Variants in UBE3D observed in about 807,000 individuals in gnomAD.
UBE3D encodes the protein ubiquitin protein ligase E3D.
UBE3D carries 48 observed loss-of-function variants against 49.6 expected under a neutral mutation model. The ratio of observed to expected loss-of-function variants is 0.97; its 90% confidence interval spans 0.77 to 1.23. The LOEUF is 1.23. UBE3D is among the 50% of genes most tolerant of loss of function. The probability of loss-of-function intolerance (pLI) is 0.00; values close to 1 mark genes in which losing one functional copy is unlikely to be tolerated. For synonymous variants in UBE3D, 189 were observed against 174.2 expected (o/e 1.08, Z -0.67); for missense variants, 452 against 468.4 (o/e 0.96, Z 0.32).
At chr6:82,895,827 C>T (rs1177098936) in intron 9 of UBE3D, among the ~76,000 whole-genome samples, 1 of 152,176 alleles carries the variant, frequency 6.6e-6, no homozygotes, top group Non-Finnish European at 1.5e-5. Context: ...CAGAAAACTA[C>T]AGAGGCTTAG....
At chr6:82,967,215 T>C (rs1367672802) in intron 8 of UBE3D, among the ~76,000 whole-genome samples, 1 of 152,224 alleles carries the variant, frequency 6.6e-6, no homozygotes, top group African/African-American at 2.4e-5. Context: ...ATGCTGTCTA[T>C]CCTTCACCCT....
chr6:83,022,565 T>C lies in UBE3D; in HGVS notation c.738-4A>G. ...CACGCTCTGGACAAACCAAGACCTGTTTGAACAGAAATCAATTTTTACAAT... is the reference window on the plus strand; with the variant it reads ...CACGCTCTGGACAAACCAAGACCTGCTTGAACAGAAATCAATTTTTACAAT... On this transcript the variant is annotated splice_region_variant and splice_polypyrimidine_tract_variant and intron_variant, in intron 6 of 9. Transcript: ENST00000369747. The C allele has an allele frequency of 4.5e-6, 7 of 1,560,426 alleles. No homozygotes were observed. The highest frequency in any genetic ancestry group is 5.2e-6 in the Non-Finnish European group (6 of 1,159,688).
intron 9 of UBE3D, among the ~76,000 whole-genome samples, chr6:82,902,045 C>T (rs7772138): frequency 0.051 from 7,770 of 152,224 alleles, 615 homozygotes; most frequent in African/African-American, 0.17. Flanking sequence ...CATATGACTA[C>T]ATTCTTTTCT....
chr6:83,040,030 T>C (rs532601133), intron 4 of UBE3D, among the ~76,000 whole-genome samples: 166 of 152,192 alleles, frequency 1.1e-3, no homozygotes, highest in African/African-American at 3.9e-3. Context: ...AAACTTTTAT[T>C]TGAGGTGTGT....
chr6:83,044,373 A>G (rs1782878474), intron 4 of UBE3D, 55 bp downstream of exon 4: 8 of 1,536,024 alleles, frequency 5.2e-6, no homozygotes, highest in Non-Finnish European at 7.2e-6. Context: ...AGATTGAAGA[A>G]GTCAGTATCT....
intron 9 of UBE3D, among the ~76,000 whole-genome samples, chr6:82,913,895 C>T (rs148119048): frequency 2.6e-4 from 39 of 152,250 alleles, no homozygotes; most frequent in African/African-American, 9.1e-4. Flanking sequence ...CCCTCATAAG[C>T]TAAAAATGAA....
At chr6:82,993,306 C>T (rs575101768) in intron 8 of UBE3D, among the ~76,000 whole-genome samples, 7 of 152,096 alleles carry the variant, frequency 4.6e-5, no homozygotes, top group African/African-American at 1.4e-4. Flanking sequence ...TCTTGCACGA[C>T]TGTACCCAAG....
chr6:83,039,721 T>C lies in UBE3D; in HGVS notation c.598-1236A>G, dbSNP rs6920107. ...GTGCAGTGGCGCGACCTTGGCTCAC[T>C]GCAACCTCCGCCTCCCGGGTTTAAG... is the stretch of plus-strand genomic sequence containing the variant. On this transcript the variant is annotated intron_variant, in intron 4 of 9. Transcript: ENST00000369747. 9.8e-3 allele frequency among the ~76,000 whole-genome samples: 1,495 copies of C among 152,236 alleles called. 28 individuals are homozygous for C. Among genetic ancestry groups the C allele is most frequent in the African/African-American group, 0.034 (1,419 of 41,566 alleles).
At chr6:82,938,517 T>C (rs547073179) in intron 9 of UBE3D, 4 of 151,824 alleles carry the variant, frequency 2.6e-5, no homozygotes, top group Non-Finnish European at 4.4e-5. Flanking sequence ...AGAAGGAAAA[T>C]AAAAAAACAC....
intron 8 of UBE3D, among the ~76,000 whole-genome samples, chr6:83,007,815 T>G (rs1340959517): frequency 6.6e-6 from 1 of 151,978 alleles, no homozygotes; most frequent in Admixed American, 6.6e-5. Context: ...TATGGTGATG[T>G]ACACCTGTAA....
At chr6:82,890,168 G>A (rs919109254), downstream of UBE3D, among the ~76,000 whole-genome samples, 3 of 152,056 alleles carry the variant, frequency 2.0e-5, no homozygotes, top group African/African-American at 7.2e-5. Flanking sequence ...CTTCAATTCT[G>A]TGTAGCCCTC....
At chr6:82,909,822 T>G (rs1562073371) in intron 9 of UBE3D, among the ~76,000 whole-genome samples, 1 of 152,188 alleles carries the variant, frequency 6.6e-6, no homozygotes, top group Non-Finnish European at 1.5e-5. Context: ...CATCGCACTG[T>G]GCAGTTGTTC....
At chr6:83,064,487 A>G (rs547588154) in intron 1 of UBE3D, among the ~76,000 whole-genome samples, 6 of 152,228 alleles carry the variant, frequency 3.9e-5, no homozygotes, top group East Asian at 1.9e-4. Flanking sequence ...CAGCCTCCCA[A>G]TGTGCTGGGA....
At chr6:82,896,859 A>T (rs910419303) in intron 9 of UBE3D, among the ~76,000 whole-genome samples, 1 of 151,868 alleles carries the variant, frequency 6.6e-6, no homozygotes, top group African/African-American at 2.4e-5. Flanking sequence ...CTCCTGCCTC[A>T]GCCTACTGAG....
At chr6:82,945,341 A>G (rs1487932702) in intron 9 of UBE3D, among the ~76,000 whole-genome samples, 2 of 152,238 alleles carry the variant, frequency 1.3e-5, no homozygotes, top group South Asian at 2.1e-4. Flanking sequence ...AGAAGAAAGT[A>G]AGGGAAGAGA....
At chr6:82,902,776 T>C (rs1189389579) in intron 9 of UBE3D, among the ~76,000 whole-genome samples, 1 of 152,220 alleles carries the variant, frequency 6.6e-6, no homozygotes, top group African/African-American at 2.4e-5. Flanking sequence ...TGTTTAAATT[T>C]TTCAGTAGTT....
At chr6:83,025,820 T>G (rs1781415592) in intron 5 of UBE3D, among the ~76,000 whole-genome samples, 4 of 148,232 alleles carry the variant, frequency 2.7e-5, no homozygotes, top group African/African-American at 1.0e-4. Flanking sequence ...GAGGCAGATG[T>G]TGCAGTGAGC....
intron 9 of UBE3D, among the ~76,000 whole-genome samples, chr6:82,896,089 C>T (rs1052188815): frequency 6.6e-6 from 1 of 152,180 alleles, no homozygotes; most frequent in African/African-American, 2.4e-5. Context: ...TGCAATCATC[C>T]TTGGGAACAG....
At chr6:83,063,878 T>G (rs181453657) in intron 1 of UBE3D, among the ~76,000 whole-genome samples, 257 of 152,324 alleles carry the variant, frequency 1.7e-3, no homozygotes, top group Non-Finnish European at 2.3e-3. Flanking sequence ...AATTTCACTC[T>G]TAGGTACTTA....
Sources: gnomAD v4.1 joint callset for allele counts (sites outside exome capture counted in the v4.1 genomes callset) on GRCh38, gnomAD v4.1.1 for gene constraint, MANE v1.5 for transcripts, NCBI Gene and HGNC (gene_info 2026-07-23, HGNC 2026-07-21) for gene names.